MED12L: variants seen among roughly 807,000 people sequenced by gnomAD.
MED12L encodes mediator of RNA polymerase II transcription subunit 12-like protein.
Under a neutral mutation model 281.3 loss-of-function variants are expected in MED12L, and 60 were observed. The ratio of observed to expected loss-of-function variants is 0.21; its 90% CI spans 0.17 to 0.26. The LOEUF (loss-of-function observed/expected upper bound fraction) is 0.26. MED12L is among the 10% of genes least tolerant of loss of function. The pLI is 1.00. For missense variants in MED12L, 2,146 were observed against 2,680.9 expected (o/e 0.80, Z 4.41); for synonymous variants, 974 against 987.2 (o/e 0.99, Z 0.25).
At chr3:151,368,084 A>G in intron 24 of MED12L, 66 bp from the exon 25 acceptor site, 1 of 1,266,010 alleles carries the variant, frequency 7.9e-7, no homozygotes, top group Non-Finnish European at 1.1e-6. Flanking sequence ...TTAGCTTAAT[A>G]GGAAACCTGA....
chr3:151,159,243 G>A (rs1719683691), intron 7 of MED12L, among the ~76,000 whole-genome samples: 1 of 152,310 alleles, frequency 6.6e-6, no homozygotes, highest in Admixed American at 6.5e-5. Context: ...TAAATTTGAT[G>A]TATCTAGATG....
At chr3:151,248,970 G>A (rs746235121) in intron 16 of MED12L, 5 of 152,172 alleles carry the variant, frequency 3.3e-5, no homozygotes, top group Admixed American at 6.5e-5. Context: ...TGGACTGCTC[G>A]TGTTGACCAG....
In MED12L at chr3:151,434,158, A is replaced by G. The variant is rs772259182; in HGVS notation, c.*1354A>G. 34 of 152,252 alleles carry G rather than the reference A, an allele frequency of 2.2e-4. No homozygotes were observed. Among genetic ancestry groups the G allele is most frequent in the Non-Finnish European group, 4.1e-4 (28 of 68,038 alleles). 9.4% of individuals were successfully genotyped at this position (152,252 alleles called of 1,614,324 possible). On this transcript the variant is annotated 3_prime_UTR_variant, in exon 45 of 45. Transcript: ENST00000687756. ...TCATTTTCTTTTGCCATATGATTTT[A>G]CATATAATATAGTCAAGCATACTGT...
At chr3:151,386,060 C>G (rs1018917045) in intron 36 of MED12L, among the ~76,000 whole-genome samples, 1 of 152,010 alleles carries the variant, frequency 6.6e-6, no homozygotes, top group African/African-American at 2.4e-5. Context: ...TGACACGAGT[C>G]ATTTTGAAGG....
chr3:151,141,422 A>T (rs1194128702), intron 5 of MED12L, among the ~76,000 whole-genome samples: 1 of 152,140 alleles, frequency 6.6e-6, no homozygotes, highest in Non-Finnish European at 1.5e-5. Flanking sequence ...GAGTCTGTGC[A>T]TTGGGGTAGA....
intron 16 of MED12L, chr3:151,329,473 A>C: frequency 1.3e-6 from 2 of 1,534,196 alleles, no homozygotes; most frequent in East Asian, 2.5e-5. Flanking sequence ...ACAAAAATTG[A>C]AATTCACCTT....
At chr3:151,275,784 A>G (rs1393450017) in intron 16 of MED12L, among the ~76,000 whole-genome samples, 1 of 152,118 alleles carries the variant, frequency 6.6e-6, no homozygotes, top group Non-Finnish European at 1.5e-5. Context: ...TTTAAAATAG[A>G]TTTTACATAG....
chr3:151,303,607 A>T (rs1465388409), intron 16 of MED12L, among the ~76,000 whole-genome samples: 1 of 152,178 alleles, frequency 6.6e-6, no homozygotes, highest in East Asian at 1.9e-4. Context: ...TACTAAAAAT[A>T]CAACAATTAG....
At chr3:151,419,966 G>C (rs1315581046) in intron 43 of MED12L, among the ~76,000 whole-genome samples, 1 of 152,158 alleles carries the variant, frequency 6.6e-6, no homozygotes, top group Non-Finnish European at 1.5e-5. Flanking sequence ...CTGTCACGTG[G>C]TCATAGCTGG....
rs62283017 is a variant in MED12L, at chr3:151,278,483, C to T, written c.2251-71576C>T. On this transcript the variant is annotated intron_variant, in intron 16 of 44. Transcript: ENST00000687756. ...AGATAGAATTTATTGAAGACTGGGA[C>T]GTGGAAACAAAGAGGAAGGAAGAGA... is the stretch of plus-strand genomic sequence containing the variant. 14 of 152,008 alleles carry T rather than the reference C, an allele frequency of 9.2e-5. No homozygotes were observed. In the South Asian group the frequency reaches 1.0e-3, roughly 11 times the overall value. 9.4% of individuals were successfully genotyped at this position (152,008 alleles called of 1,614,324 possible). A position where few individuals can be genotyped will look rare whatever the true frequency, so the allele number is the denominator to read the frequency against.
intron 16 of MED12L, among the ~76,000 whole-genome samples, chr3:151,330,567 T>C (rs2149879097): frequency 6.6e-6 from 1 of 152,306 alleles, no homozygotes; most frequent in Admixed American, 6.5e-5. Context: ...GTGGAGTTCA[T>C]GGTGAGTTTC....
chr3:151,273,767 G>A (rs191334190), intron 16 of MED12L, among the ~76,000 whole-genome samples: 4 of 152,272 alleles, frequency 2.6e-5, no homozygotes, highest in Admixed American at 2.6e-4. Context: ...ATAGGGACTG[G>A]TTGTCTTCTT....
chr3:151,204,378 T>C (rs1726074815), intron 16 of MED12L, among the ~76,000 whole-genome samples: 1 of 152,024 alleles, frequency 6.6e-6, no homozygotes, highest in African/African-American at 2.4e-5. Flanking sequence ...TTGAAAAAAA[T>C]GTAAAGATGC....
At chr3:151,123,149 T>A (rs1055335846) in intron 4 of MED12L, among the ~76,000 whole-genome samples, 175 bp downstream of exon 4, 20 of 152,312 alleles carry the variant, frequency 1.3e-4, no homozygotes, top group Admixed American at 9.8e-4. Flanking sequence ...TTTGATTGCA[T>A]GTAGTGCCTA....
chr3:151,241,255 C>T (rs529379670), intron 16 of MED12L, among the ~76,000 whole-genome samples: 8 of 151,978 alleles, frequency 5.3e-5, no homozygotes, highest in Non-Finnish European at 7.4e-5. Flanking sequence ...AATTTTTTAC[C>T]TTCAAAAATG....
chr3:151,140,071 T>C (rs1686521542), intron 5 of MED12L, among the ~76,000 whole-genome samples: 1 of 152,252 alleles, frequency 6.6e-6, no homozygotes, highest in Non-Finnish European at 1.5e-5. Flanking sequence ...CATTACAATT[T>C]AGTTATTCTT....
chr3:151,105,974 A>G (rs1284701493), intron 2 of MED12L, among the ~76,000 whole-genome samples: 1 of 152,150 alleles, frequency 6.6e-6, no homozygotes, highest in African/African-American at 2.4e-5. Context: ...CATCCAAGAA[A>G]TCAACGTAAA....
At chr3:151,087,103 GC>G in intron 2 of MED12L, 78 bp downstream of exon 2, 1 of 1,201,812 alleles carries the variant, frequency 8.3e-7, no homozygotes, top group Non-Finnish European at 1.2e-6. Context: ...GGCCCAGCGG[GC>G]ATCGCCGGCG....
rs141102243 is a variant in MED12L, at chr3:151,135,547, T to C, written c.556+7563T>C. The stretch of plus-strand genomic sequence containing the variant: ...TATTCCATTTTGTGTATGAGGGACC[T>C]GAGTCTCAGAGAAGTTAAGTAACTT... On this transcript the variant is annotated intron_variant, in intron 5 of 44. Transcript: ENST00000687756. 1.6e-3 allele frequency among the ~76,000 whole-genome samples: 243 copies of C among 152,348 alleles called. 1 individual carries two copies. The highest frequency in any genetic ancestry group is 5.3e-3 in the African/African-American group (219 of 41,584).
Sources: gnomAD v4.1 joint callset for allele counts (sites outside exome capture counted in the v4.1 genomes callset) on GRCh38, gnomAD v4.1.1 for gene constraint, MANE v1.5 for transcripts, NCBI Gene and HGNC (gene_info 2026-07-23, HGNC 2026-07-21) for gene names.